The following CAMTA1 variants were observed in gnomAD, a reference collection of about 807,000 sequenced individuals.
The protein encoded by CAMTA1 is calmodulin-binding transcription activator 1.
In CAMTA1, 27 loss-of-function variants were observed where a neutral mutation model predicts 170.9. That is an observed-to-expected ratio of 0.16 (90% CI 0.12 to 0.22). CAMTA1 has a LOEUF of 0.22. Ranked by LOEUF, CAMTA1 falls within the 10% of genes least tolerant of loss-of-function variation. The pLI, the probability that CAMTA1 is intolerant of heterozygous loss-of-function variation, is 1.00. For missense variants in CAMTA1, 1,619 were observed against 2,217.2 expected (o/e 0.73, Z 5.42); for synonymous variants, 833 against 891.5 (o/e 0.93, Z 1.17).
At position 7,680,872 on chromosome 1, in the gene CAMTA1, A is replaced by AGCAGCTGCT. The variant is rs1553247155; in HGVS notation, c.2914+3144_2914+3145insTGCTGCAGC. Among the ~76,000 whole-genome samples the AGCAGCTGCT allele has an allele frequency of 1.5e-4, 22 of 146,348 alleles. No individual in the cohort carries two copies. Among genetic ancestry groups the AGCAGCTGCT allele is most frequent in the Admixed American group, 2.7e-4 (4 of 14,840 alleles). ...CGCGCGCGCGCGCGCCAGCAGCAGCAGCAGCAGCAGCTGCTGCGGCGAAGT... is the reference window on the plus strand; with the variant it reads ...CGCGCGCGCGCGCGCCAGCAGCAGCAGCAGCTGCTGCAGCAGCAGCTGCTGCGGCGAAGT... On this transcript the variant is annotated intron_variant, in intron 11 of 22. Coordinates refer to ENST00000303635, the MANE Select transcript of CAMTA1 (RefSeq NM_015215.4). The surrounding 1 kb of genome is among the most constrained non-coding windows in gnomAD (Gnocchi z 4.4).
chr1:7,054,523 T>G (rs1304590261), intron 3 of CAMTA1, among the ~76,000 whole-genome samples: 3 of 152,246 alleles, frequency 2.0e-5, no homozygotes, highest in Non-Finnish European at 4.4e-5. Flanking sequence ...AAAGATGGGC[T>G]GAGCCTGACC....
chr1:6,871,361 A>G (rs905142541), intron 3 of CAMTA1, among the ~76,000 whole-genome samples: 1 of 152,218 alleles, frequency 6.6e-6, no homozygotes, highest in Admixed American at 6.5e-5. Context: ...TTATGCAGCT[A>G]CTTCAAATGA....
At chr1:7,692,369 G>T (rs1385093398) in intron 11 of CAMTA1, among the ~76,000 whole-genome samples, 1 of 152,124 alleles carries the variant, frequency 6.6e-6, no homozygotes, top group Non-Finnish European at 1.5e-5. Flanking sequence ...CTCTCTCTAG[G>T]CCTCAGAGAG....
Position 6,965,421 on chromosome 1 carries a change from TGCAACCA to T in CAMTA1, c.235-125879_235-125873del, listed in dbSNP as rs531716781. On this transcript the variant is annotated intron_variant, in intron 3 of 22. Transcript: ENST00000303635. The surrounding 1 kb of genome is among the most constrained non-coding windows in gnomAD (Gnocchi z 4.1). ...TTTATATTCCCATTTGACCAGGGAG[TGCAACCA>T]GCAGACCAAAGGTAATGCATTTCAG... Among the ~76,000 whole-genome samples, 55 of 152,018 alleles carry T rather than the reference TGCAACCA, an allele frequency of 3.6e-4. No homozygotes were observed. The South Asian group carries it at 0.011, about 31-fold the overall frequency.
Position 7,131,100 on chromosome 1 carries a change from C to T in CAMTA1, c.302+39729C>T, listed in dbSNP as rs538579801. Among the ~76,000 whole-genome samples the T allele has an allele frequency of 9.2e-5, 14 of 152,078 alleles. No homozygotes were observed. The South Asian group carries it at 1.7e-3, about 18-fold the overall frequency. On this transcript the variant is annotated intron_variant, in intron 4 of 22. Coordinates refer to ENST00000303635, the MANE Select transcript of CAMTA1 (RefSeq NM_015215.4). ...TCCTAAGTAACTGGGACTACAGGCA[C>T]GCGCCATCATGCCTGGCTAATTTTT...
At chr1:7,598,989 G>T (rs2095421096) in intron 6 of CAMTA1, among the ~76,000 whole-genome samples, 1 of 152,266 alleles carries the variant, frequency 6.6e-6, no homozygotes, top group East Asian at 1.9e-4. Context: ...ATTGCTTTTG[G>T]TGTTTTAGAC....
intron 5 of CAMTA1, among the ~76,000 whole-genome samples, chr1:7,282,785 G>C (rs1671703732): frequency 6.6e-6 from 1 of 152,136 alleles, no homozygotes; most frequent in African/African-American, 2.4e-5. Flanking sequence ...ACAACACTGG[G>C]GGACAGAGGG....
intron 3 of CAMTA1, among the ~76,000 whole-genome samples, chr1:6,833,065 C>G (rs1419073995): frequency 6.6e-6 from 1 of 152,142 alleles, no homozygotes; most frequent in Non-Finnish European, 1.5e-5. Context: ...TATTGAAAAG[C>G]TGGGGCGGAA....
intron 11 of CAMTA1, among the ~76,000 whole-genome samples, chr1:7,689,038 G>T (rs2096282496): frequency 6.6e-6 from 1 of 152,042 alleles, no homozygotes; most frequent in Non-Finnish European, 1.5e-5. Flanking sequence ...AAGGTGGGTG[G>T]ATCACATAAG....
chr1:6,912,413 T>C (rs146024543), intron 3 of CAMTA1, among the ~76,000 whole-genome samples: 1 of 152,342 alleles, frequency 6.6e-6, no homozygotes, highest in African/African-American at 2.4e-5. Context: ...AATGGGACAC[T>C]AATGAAATAT....
intron 3 of CAMTA1, among the ~76,000 whole-genome samples, chr1:6,836,227 A>C (rs1653038732): frequency 6.6e-6 from 1 of 152,266 alleles, no homozygotes; most frequent in Non-Finnish European, 1.5e-5. Flanking sequence ...TTACAGTATT[A>C]GTGCTTTTAG....
chr1:7,748,448 GT>G lies in CAMTA1; in HGVS notation c.4689+672del. Among the ~76,000 whole-genome samples, 1 of 152,198 alleles carries G rather than the reference GT, an allele frequency of 6.6e-6. No homozygotes were observed. Among genetic ancestry groups the G allele is most frequent in the East Asian group, 1.9e-4 (1 of 5,180 alleles). ...GCAATTAGACTTGTACCGCAAAAGG[GT>G]TTTTGTCCAAATTTTTGATCTTTTA... On this transcript the variant is annotated intron_variant, in intron 19 of 22. Coordinates refer to ENST00000303635, the MANE Select transcript of CAMTA1 (RefSeq NM_015215.4). This position sits in a 1 kb window ranked among gnomAD's most constrained non-coding sequence, Gnocchi z 4.7.
At chr1:6,920,526 A>G (rs1252862334) in intron 3 of CAMTA1, among the ~76,000 whole-genome samples, 3 of 152,178 alleles carry the variant, frequency 2.0e-5, no homozygotes, top group African/African-American at 7.2e-5. Context: ...TCACAGCTCT[A>G]CTAGGCAGTG....
At chr1:7,371,132 C>T (rs1210844302) in intron 5 of CAMTA1, among the ~76,000 whole-genome samples, 1 of 152,022 alleles carries the variant, frequency 6.6e-6, no homozygotes, top group Non-Finnish European at 1.5e-5. Flanking sequence ...AGGTTGGTCT[C>T]GATCTCCTGA....
In CAMTA1 at chr1:6,985,974, C is replaced by T. The variant is rs150748674; in HGVS notation, c.235-105330C>T. 4.7e-3 allele frequency among the ~76,000 whole-genome samples: 713 copies of T among 152,334 alleles called. 5 individuals are homozygous for T. Among genetic ancestry groups the T allele is most frequent in the African/African-American group, 0.016 (681 of 41,562 alleles). On this transcript the variant is annotated intron_variant, in intron 3 of 22. Transcript: ENST00000303635. ...CTGACTACCGGCGATTAACTCTTTC[C>T]GGCCCTACCTGTTTCCTTCAGGCAC...
intron 5 of CAMTA1, among the ~76,000 whole-genome samples, chr1:7,355,967 G>A (rs965418603): frequency 3.3e-5 from 5 of 152,236 alleles, no homozygotes; most frequent in Admixed American, 6.5e-5. Flanking sequence ...TTTGCTCTCA[G>A]GAAGATCTAG....
intron 4 of CAMTA1, among the ~76,000 whole-genome samples, chr1:7,189,928 T>C (rs1654199400): frequency 6.6e-6 from 1 of 152,228 alleles, no homozygotes; most frequent in Non-Finnish European, 1.5e-5. Context: ...TGTGTATGTA[T>C]TTTGGCACCA....
chr1:7,594,200 G>GGGAA (rs56904420), intron 6 of CAMTA1, among the ~76,000 whole-genome samples: 44,270 of 113,524 alleles, frequency 0.39, 8,824 homozygotes, highest in Non-Finnish European at 0.48. Flanking sequence ...AAGGAGGGAG[G>GGGAA]GGAAGGAAGG....
chr1:7,118,190 GTTC>G (rs1034149032), intron 4 of CAMTA1, among the ~76,000 whole-genome samples: 3 of 151,632 alleles, frequency 2.0e-5, no homozygotes, highest in South Asian at 2.1e-4. Context: ...TCCAGCCACT[GTTC>G]TTCTTGTCAC....
Sources: allele counts gnomAD v4.1 joint callset (sites outside exome capture counted in the v4.1 genomes callset), GRCh38; gene constraint gnomAD v4.1.1; non-coding constraint Gnocchi (gnomAD v3.1); transcripts MANE v1.5; gene names NCBI Gene and HGNC (gene_info 2026-07-23, HGNC 2026-07-21).